AK5: variants seen among roughly 807,000 people sequenced by gnomAD.
AK5 encodes the protein adenylate kinase 5.
Under a neutral mutation model 69.5 loss-of-function variants are expected in AK5, and 27 were observed. That is an observed-to-expected ratio of 0.39 (90% CI 0.29 to 0.54). The LOEUF (loss-of-function observed/expected upper bound fraction) is 0.54. Ranked by LOEUF, AK5 falls within the 20% of genes least tolerant of loss-of-function variation. AK5 has a pLI of 0.71. For synonymous variants in AK5, 260 were observed against 244.4 expected, an observed-to-expected ratio of 1.06 and a Z score of -0.60; for missense variants, 531 against 700.4, an observed-to-expected ratio of 0.76 and a Z score of 2.73.
In AK5 at chr1:77,518,628, T is replaced by G; in HGVS notation, c.1212T>G (p.His404Gln). 4 of 1,614,126 alleles carry G rather than the reference T, an allele frequency of 2.5e-6. No individual in the cohort carries two copies. The highest frequency in any genetic ancestry group is 3.4e-6 in the Non-Finnish European group (4 of 1,180,012). ...EKLVEKYGFTHLSTGELLREE... is the reference protein window; with the variant it reads ...EKLVEKYGFTQLSTGELLREE... Reference sequence around the variant, plus strand: ...TGGTGGAAAAATATGGATTTACACATCTCTCAACTGGCGAGCTCCTGCGTG... The same window carrying G: ...TGGTGGAAAAATATGGATTTACACAGCTCTCAACTGGCGAGCTCCTGCGTG... Residue 404 changes from histidine (H) to glutamine (Q), a missense_variant, in exon 11 of 14, where the codon CAT (histidine) becomes CAG (glutamine). By Grantham distance (24) the His-to-Gln change is conservative. Transcript: ENST00000354567.
At chr1:77,407,580 T>C (rs954996232) in intron 6 of AK5, among the ~76,000 whole-genome samples, 1 of 152,178 alleles carries the variant, frequency 6.6e-6, no homozygotes, top group Non-Finnish European at 1.5e-5. Flanking sequence ...TTTATGATGG[T>C]TTCACGGGTG....
At chr1:77,386,851 C>T (rs1570481872) in intron 6 of AK5, among the ~76,000 whole-genome samples, 1 of 152,100 alleles carries the variant, frequency 6.6e-6, no homozygotes, top group African/African-American at 2.4e-5. Flanking sequence ...TGCCTGCGCT[C>T]ACCCTTCCCA....
At chr1:77,474,716 A>G (rs890922610) in intron 8 of AK5, among the ~76,000 whole-genome samples, 1 of 152,148 alleles carries the variant, frequency 6.6e-6, no homozygotes, top group Non-Finnish European at 1.5e-5. Context: ...TTCCTTCTTA[A>G]AGAAAGGTGA....
chr1:77,517,979 G>T (rs1353727), intron 10 of AK5, among the ~76,000 whole-genome samples: 2 of 152,188 alleles, frequency 1.3e-5, no homozygotes, highest in East Asian at 3.8e-4. Context: ...ACACTAAAAG[G>T]TTCTGGAGTA....
intron 12 of AK5, among the ~76,000 whole-genome samples, chr1:77,524,342 T>A (rs1431868997): frequency 6.6e-6 from 1 of 152,188 alleles, no homozygotes; most frequent in Non-Finnish European, 1.5e-5. Context: ...TTTTTAATTT[T>A]TTGAGGAGCC....
intron 13 of AK5, among the ~76,000 whole-genome samples, chr1:77,542,401 A>G (rs1425483450): frequency 2.0e-5 from 3 of 152,168 alleles, no homozygotes; most frequent in Non-Finnish European, 4.4e-5. Flanking sequence ...AACAGAATGC[A>G]TTGTTGGGAG....
chr1:77,499,055 G>A (rs141635241), intron 10 of AK5, among the ~76,000 whole-genome samples: 5 of 152,308 alleles, frequency 3.3e-5, no homozygotes, highest in Non-Finnish European at 7.3e-5. Context: ...ACCCAGCCCT[G>A]TAGGAGACCA....
chr1:77,475,185 ATATATATATATGTGTG>A (rs756297298), intron 8 of AK5, among the ~76,000 whole-genome samples: 2 of 51,882 alleles, frequency 3.9e-5, no homozygotes, highest in Non-Finnish European at 9.0e-5. Context: ...ATATATATAT[ATATATATATATGTGTG>A]TGTGTGTGTG....
At chr1:77,325,042 G>A (rs749547083) in intron 5 of AK5, among the ~76,000 whole-genome samples, 8 of 150,776 alleles carry the variant, frequency 5.3e-5, no homozygotes, top group Non-Finnish European at 8.9e-5. Flanking sequence ...GTGCAATCTC[G>A]GCTCACTACA....
chr1:77,544,334 A>G (rs1659428815), intron 13 of AK5, among the ~76,000 whole-genome samples: 1 of 152,192 alleles, frequency 6.6e-6, no homozygotes, highest in Non-Finnish European at 1.5e-5. Context: ...CAGTTAGGCT[A>G]TGCTACATTT....
chr1:77,534,022 C>T (rs1050331973), intron 12 of AK5, among the ~76,000 whole-genome samples: 3 of 151,660 alleles, frequency 2.0e-5, no homozygotes, highest in Non-Finnish European at 2.9e-5. Context: ...GCACTGTTGT[C>T]GATTTTGGAG....
intron 8 of AK5, among the ~76,000 whole-genome samples, chr1:77,431,590 GA>G (rs1370136275): frequency 6.6e-6 from 1 of 152,192 alleles, no homozygotes; most frequent in African/African-American, 2.4e-5. Flanking sequence ...AAAAGCACTA[GA>G]AGCATATTTG....
rs144221144 is a variant in AK5, at chr1:77,539,311, C to G, written c.1620+3273C>G. 3.5e-3 allele frequency among the ~76,000 whole-genome samples: 527 copies of G among 152,338 alleles called. 4 individuals carry two copies. The highest frequency in any genetic ancestry group is 0.012 in the African/African-American group (479 of 41,570). The stretch of plus-strand genomic sequence containing the variant: ...GTCCCCTGGCTCATCTCTTCAACTT[C>G]CCCTGCATTTTGGAGATGCTGGCTG... On this transcript the variant is annotated intron_variant, in intron 13 of 13. Coordinates refer to ENST00000354567, the MANE Select transcript of AK5 (RefSeq NM_174858.3).
Position 77,486,186 on chromosome 1 carries a change from A to C in AK5, c.1103-122A>C, listed in dbSNP as rs2100728025. The C allele has an allele frequency of 4.7e-6, 3 of 640,128 alleles. No individual in the cohort carries two copies. The South Asian group carries it at 5.0e-5, about 11-fold the overall frequency. The allele number at this position is 640,128 out of a possible 1,614,324, so 39.7% of individuals were successfully genotyped here. A position where few individuals can be genotyped will look rare whatever the true frequency, so the allele number is the denominator to read the frequency against. ...CTAATTGTAGCCTATTCACACATTT[A>C]TTCAACTTCAAGCTTTTTATCAAAT... On this transcript the variant is annotated intron_variant, in intron 9 of 13. Coordinates refer to ENST00000354567, the MANE Select transcript of AK5 (RefSeq NM_174858.3).
Position 77,444,361 on chromosome 1 carries a change from T to C in AK5, c.1059+26646T>C, listed in dbSNP as rs1362894011. Among the ~76,000 whole-genome samples the C allele has an allele frequency of 6.9e-4, 29 of 42,070 alleles. 3 individuals carry two copies. The highest frequency in any genetic ancestry group is 2.9e-3 in the African/African-American group (29 of 9,874). The allele number at this position is 42,070 out of a possible 152,430, so 27.6% of individuals were successfully genotyped here. ...TATATACACAATATATGTGTATATATAGTATAAATATATACTATATATAGT... is the reference window on the plus strand; with the variant it reads ...TATATACACAATATATGTGTATATACAGTATAAATATATACTATATATAGT... On this transcript the variant is annotated intron_variant, in intron 8 of 13. Coordinates refer to ENST00000354567, the MANE Select transcript of AK5 (RefSeq NM_174858.3).
At chr1:77,358,018 T>A (rs3122366) in intron 6 of AK5, among the ~76,000 whole-genome samples, 80 of 128,266 alleles carry the variant, frequency 6.2e-4, no homozygotes, top group African/African-American at 1.7e-3. Flanking sequence ...TGTGTGTGTG[T>A]GAGAGAGAGA....
At position 77,293,961 on chromosome 1, in the gene AK5, G is replaced by A. The variant is rs1282415578; in HGVS notation, c.415+1G>A. The A allele has an allele frequency of 1.2e-6, 2 of 1,606,280 alleles. No homozygotes were observed. Among genetic ancestry groups the A allele is most frequent in the Non-Finnish European group, 1.7e-6 (2 of 1,177,888 alleles). On this transcript the variant is annotated splice_donor_variant, in intron 3 of 13. Transcript: ENST00000354567. LOFTEE classifies it high-confidence loss of function. Reference sequence around the variant, plus strand: ...CGACCAAAAATCATTCTTGTTATAGGTATGAGGACAGAAAGCAAAAATTCT... The same window carrying A: ...CGACCAAAAATCATTCTTGTTATAGATATGAGGACAGAAAGCAAAAATTCT...
At chr1:77,547,824 A>G (rs1339646375) in intron 13 of AK5, among the ~76,000 whole-genome samples, 1 of 152,216 alleles carries the variant, frequency 6.6e-6, no homozygotes, top group East Asian at 1.9e-4. Flanking sequence ...ATTAAACAGT[A>G]TTAAAAATCA....
intron 6 of AK5, among the ~76,000 whole-genome samples, chr1:77,376,446 A>AC (rs1557542537): frequency 4.0e-5 from 3 of 74,906 alleles, no homozygotes; most frequent in African/African-American, 1.5e-4. Context: ...AAAAAAAAAA[A>AC]AAAACAAAAA....
Sources: gnomAD v4.1 joint callset for allele counts (sites outside exome capture counted in the v4.1 genomes callset) on GRCh38, gnomAD v4.1.1 for gene constraint, MANE v1.5 for transcripts, NCBI Gene and HGNC (gene_info 2026-07-23, HGNC 2026-07-21) for gene names.